The following MYO9A variants were observed in gnomAD, a reference collection of about 807,000 sequenced individuals.
MYO9A encodes myosin IXA, also known as unconventional myosin-IXa.
A neutral mutation model predicts 293.3 loss-of-function variants in MYO9A; 103 were observed. The ratio of observed to expected loss-of-function variants is 0.35; its 90% CI spans 0.30 to 0.41. MYO9A has a LOEUF of 0.41. MYO9A is among the 10% of genes least tolerant of loss of function. The probability of loss-of-function intolerance (pLI) is 1.00; values close to 1 mark genes in which losing one functional copy is unlikely to be tolerated. For synonymous variants in MYO9A, 1,001 were observed against 1,035.7 expected (o/e 0.97, Z 0.64); for missense variants, 2,685 against 3,033.0 (o/e 0.89, Z 2.69).
chr15:71,877,944 AT>A, intron 31 of MYO9A, 95 bp downstream of exon 31: 1 of 1,112,286 alleles, frequency 9.0e-7, no homozygotes. Flanking sequence ...TCAAAATAAA[AT>A]TTTTCTCAAA....
At chr15:71,904,856 G>A (rs1381726057) in intron 20 of MYO9A, 70 bp downstream of exon 20, 24 of 1,123,604 alleles carry the variant, frequency 2.1e-5, no homozygotes, top group Admixed American at 1.0e-4. Flanking sequence ...CACTTATTCT[G>A]CTTAAAAGTA....
chr15:72,076,744 AT>A (rs1439024963), intron 1 of MYO9A, among the ~76,000 whole-genome samples: 3 of 152,184 alleles, frequency 2.0e-5, no homozygotes, highest in African/African-American at 7.2e-5. Context: ...TGACAAACTT[AT>A]ATCGTTTATA....
At chr15:72,057,109 G>T (rs531439604) in intron 1 of MYO9A, among the ~76,000 whole-genome samples, 275 of 149,540 alleles carry the variant, frequency 1.8e-3, no homozygotes, top group African/African-American at 6.4e-3. Flanking sequence ...CTCTGTCTCA[G>T]GAAAAAAAAA....
At chr15:71,900,806 A>G (rs1253228823) in intron 23 of MYO9A, among the ~76,000 whole-genome samples, 2 of 152,218 alleles carry the variant, frequency 1.3e-5, no homozygotes, top group Non-Finnish European at 2.9e-5. Context: ...AATAAAATGT[A>G]AAATAAGGTA....
rs556300786 is a variant in MYO9A, at chr15:71,981,389, C to T, written c.1723-3097G>A. Among the ~76,000 whole-genome samples, 8 of 152,278 alleles carry T rather than the reference C, an allele frequency of 5.3e-5. No homozygotes were observed. The South Asian group carries it at 1.2e-3, about 24-fold the overall frequency. On this transcript the variant is annotated intron_variant, in intron 11 of 41. Transcript: ENST00000356056. ...TCTTTCCATGTTGGTATAATTTACC[C>T]GTGGAGCCACCATGGCTTGCAATGT...
At chr15:72,005,312 T>C (rs888094343) in intron 8 of MYO9A, among the ~76,000 whole-genome samples, 1 of 152,206 alleles carries the variant, frequency 6.6e-6, no homozygotes, top group Non-Finnish European at 1.5e-5. Context: ...CTCTTTTTTT[T>C]AAACCTATAG....
In MYO9A at chr15:71,928,056, A is replaced by ATTTTT. The variant is rs1172759885; in HGVS notation, c.2562+5609_2562+5613dup. Among the ~76,000 whole-genome samples the ATTTTT allele has an allele frequency of 1.2e-3, 7 of 6,042 alleles. 3 individuals are homozygous for ATTTTT. The highest frequency in any genetic ancestry group is 3.5e-3 in the Non-Finnish European group (6 of 1,738). 4.0% of individuals were successfully genotyped at this position (6,042 alleles called of 152,430 possible). Reference sequence around the variant, plus strand: ...TATATATATATATATATATATATATATTTTTTTTTTTTTTTTTTTTTTTTT... The same window carrying ATTTTT: ...TATATATATATATATATATATATATATTTTTTTTTTTTTTTTTTTTTTTTTTTTTT... On this transcript the variant is annotated intron_variant, in intron 18 of 41. Coordinates refer to ENST00000356056, the MANE Select transcript of MYO9A (RefSeq NM_006901.4).
Position 71,827,483 on chromosome 15 carries a change from G to A in MYO9A, c.7183+401C>T, listed in dbSNP as rs376703414. The stretch of plus-strand genomic sequence containing the variant: ...TTGTGATTATTGGCTTTTCTCTGTG[G>A]TAAGTACAGGATAAAACATTAAATT... On this transcript the variant is annotated intron_variant, in intron 41 of 41. Coordinates refer to ENST00000356056, the MANE Select transcript of MYO9A (RefSeq NM_006901.4). 4.6e-5 allele frequency among the ~76,000 whole-genome samples: 7 copies of A among 152,004 alleles called. No homozygotes were observed. The South Asian group carries it at 1.5e-3, about 32-fold the overall frequency.
At chr15:71,888,908 C>G (rs72746318) in intron 26 of MYO9A, among the ~76,000 whole-genome samples, 4 of 152,248 alleles carry the variant, frequency 2.6e-5, no homozygotes, top group Admixed American at 1.3e-4. Context: ...ACCCACTTAC[C>G]TGAAACCAAC....
At chr15:71,969,906 C>T (rs927566984) in intron 12 of MYO9A, among the ~76,000 whole-genome samples, 4 of 152,064 alleles carry the variant, frequency 2.6e-5, no homozygotes, top group African/African-American at 7.2e-5. Flanking sequence ...GGAAGGGTAG[C>T]GTCAGGAGAA....
intron 1 of MYO9A, among the ~76,000 whole-genome samples, chr15:72,081,561 T>C (rs762103915): frequency 7.9e-5 from 12 of 152,192 alleles, no homozygotes; most frequent in Admixed American, 2.0e-4. Context: ...TCTAAGCTCT[T>C]TGTCAATTTT....
rs2057823688 is a variant in MYO9A, at chr15:71,910,823, T to C, written c.2685+5547A>G. 2.0e-5 allele frequency among the ~76,000 whole-genome samples: 3 copies of C among 152,210 alleles called. No individual in the cohort carries two copies. In the South Asian group the frequency reaches 6.2e-4, roughly 32 times the overall value. On this transcript the variant is annotated intron_variant, in intron 19 of 41. Transcript: ENST00000356056. Reference sequence around the variant, plus strand: ...CATTTGTCTATTAGGTTTTCTTCCTTTTAAAACACTGATTTTTAGTTCTTC... The same window carrying C: ...CATTTGTCTATTAGGTTTTCTTCCTCTTAAAACACTGATTTTTAGTTCTTC...
chr15:71,928,903 G>GAA (rs34057335), intron 18 of MYO9A, among the ~76,000 whole-genome samples: 149 of 144,080 alleles, frequency 1.0e-3, no homozygotes, highest in South Asian at 1.4e-3. Flanking sequence ...ATCTCTACGA[G>GAA]AAAAAAAAAA....
intron 1 of MYO9A, among the ~76,000 whole-genome samples, chr15:72,057,695 T>A (rs2078760969): frequency 6.6e-6 from 1 of 152,194 alleles, no homozygotes; most frequent in African/African-American, 2.4e-5. Context: ...GCTAGAAAGA[T>A]CTAAACCTAC....
chr15:72,028,101 G>A (rs1285938962), intron 3 of MYO9A, among the ~76,000 whole-genome samples: 6 of 151,380 alleles, frequency 4.0e-5, no homozygotes, highest in Non-Finnish European at 7.4e-5. Context: ...GGAGGCTGAG[G>A]CAGAAGAATT....
intron 1 of MYO9A, among the ~76,000 whole-genome samples, chr15:72,105,064 T>C (rs889973318): frequency 2.0e-5 from 3 of 152,198 alleles, no homozygotes; most frequent in African/African-American, 4.8e-5. Context: ...CCTTCAGACC[T>C]AGGTACCATA....
intron 14 of MYO9A, among the ~76,000 whole-genome samples, chr15:71,958,097 T>C (rs959836890): frequency 2.6e-5 from 4 of 152,152 alleles, no homozygotes; most frequent in East Asian, 1.9e-4. Flanking sequence ...GCAGATTTCA[T>C]CTTCTTTCTT....
In MYO9A at chr15:71,854,619, A is replaced by ATTTGTTTAAC. The variant is rs746769224; in HGVS notation, c.6154-51_6154-50insGTTAAACAAA. The ATTTGTTTAAC allele has an allele frequency of 1.6e-4, 218 of 1,406,346 alleles. No individual in the cohort carries two copies. In the African/African-American group the frequency reaches 2.9e-3, roughly 18 times the overall value. 87.1% of individuals were successfully genotyped at this position (1,406,346 alleles called of 1,614,324 possible). A position where few individuals can be genotyped will look rare whatever the true frequency, so the allele number is the denominator to read the frequency against. On this transcript the variant is annotated intron_variant, in intron 34 of 41. Transcript: ENST00000356056. ...TCCAAATGCATTCAAACATCTTGAA[A>ATTTGTTTAAC]CATGTTTAACCATTTCTTTACCAGG...
chr15:71,956,350 T>TATATATATATATATATAA (rs1475961500), intron 14 of MYO9A, among the ~76,000 whole-genome samples: 60 of 121,138 alleles, frequency 5.0e-4, no homozygotes, highest in African/African-American at 1.4e-3. Flanking sequence ...TATATATATA[T>TATATATATATATATATAA]AAAATACGCC....
Sources: allele counts gnomAD v4.1 joint callset (sites outside exome capture counted in the v4.1 genomes callset), GRCh38; gene constraint gnomAD v4.1.1; transcripts MANE v1.5; gene names NCBI Gene and HGNC (gene_info 2026-07-23, HGNC 2026-07-21).